TMEM33: variants seen among roughly 807,000 people sequenced by gnomAD.
TMEM33 encodes transmembrane protein 33.
Under a neutral mutation model 29.7 loss-of-function variants are expected in TMEM33, and 16 were observed. The observed-to-expected ratio is 0.54, with a 90% CI of 0.36 to 0.82. The LOEUF (loss-of-function observed/expected upper bound fraction) is 0.82, where lower values mean the gene tolerates loss of function less well. TMEM33 is among the 40% of genes least tolerant of loss of function. The pLI, the probability that TMEM33 is intolerant of heterozygous loss-of-function variation, is 0.00. For synonymous variants in TMEM33, 112 were observed against 109.4 expected, an observed-to-expected ratio of 1.02 and a Z score of -0.15; for missense variants, 252 against 295.3, an observed-to-expected ratio of 0.85 and a Z score of 1.08.
At chr4:41,949,660 C>A (rs1458950055) in intron 6 of TMEM33, among the ~76,000 whole-genome samples, 1 of 152,166 alleles carries the variant, frequency 6.6e-6, no homozygotes, top group East Asian at 1.9e-4. Flanking sequence ...AGATTCCACT[C>A]TCAACTTTCC....
intron 4 of TMEM33, among the ~76,000 whole-genome samples, chr4:41,944,584 AGTT>A (rs1191595512): frequency 6.6e-6 from 1 of 152,204 alleles, no homozygotes; most frequent in Non-Finnish European, 1.5e-5. Context: ...CTTTTACTAA[AGTT>A]GTTTTTTATA....
chr4:41,946,200 G>A lies in TMEM33; in HGVS notation c.530+1274G>A, dbSNP rs191796332. On this transcript the variant is annotated intron_variant, in intron 5 of 6. Transcript: ENST00000504986. ...TATTTTTTACCTGCTTATACTTAAT[G>A]CCAGTGTTTTCTTTAACATAGATAC... 3.4e-3 allele frequency among the ~76,000 whole-genome samples: 508 copies of A among 150,566 alleles called. 1 individual carries two copies. The highest frequency in any genetic ancestry group is 5.3e-3 in the Admixed American group (80 of 15,084).
In TMEM33 at chr4:41,960,010, A is replaced by G. The variant is rs1226547064; in HGVS notation, c.*5811A>G. The G allele has an allele frequency of 6.6e-6, 1 of 152,224 alleles. No homozygotes were observed. The highest frequency in any genetic ancestry group is 1.5e-5 in the Non-Finnish European group (1 of 68,018). 9.4% of individuals were successfully genotyped at this position (152,224 alleles called of 1,614,324 possible). ...AATACTATCCAGACTATATAAATTTATAAAATAAATTGAAAAATTCATTCC... is the reference window on the plus strand; with the variant it reads ...AATACTATCCAGACTATATAAATTTGTAAAATAAATTGAAAAATTCATTCC... On this transcript the variant is annotated 3_prime_UTR_variant, in exon 7 of 7. Transcript: ENST00000504986.
Position 41,954,349 on chromosome 4 carries a change from C to A in TMEM33, c.*150C>A. ...ATCTCGGTGGAAAAATAATCATTTTCTTGGCATGTTAAATCAAGCTTAAAA... is the reference window on the plus strand; with the variant it reads ...ATCTCGGTGGAAAAATAATCATTTTATTGGCATGTTAAATCAAGCTTAAAA... On this transcript the variant is annotated 3_prime_UTR_variant, in exon 7 of 7. Transcript: ENST00000504986. The A allele has an allele frequency of 2.2e-6, 2 of 916,976 alleles. No homozygotes were observed. Among genetic ancestry groups the A allele is most frequent in the Non-Finnish European group, 3.1e-6 (2 of 650,684 alleles). 56.8% of individuals were successfully genotyped at this position (916,976 alleles called of 1,614,324 possible). A position where few individuals can be genotyped will look rare whatever the true frequency, so the allele number is the denominator to read the frequency against.
chr4:41,946,335 G>A (rs1476077477), intron 5 of TMEM33, among the ~76,000 whole-genome samples: 5 of 151,904 alleles, frequency 3.3e-5, no homozygotes, highest in Non-Finnish European at 7.4e-5. Flanking sequence ...TTGTTAGTTT[G>A]TAACAAATGT....
intron 3 of TMEM33, among the ~76,000 whole-genome samples, chr4:41,940,350 C>T (rs1712478490): frequency 6.6e-6 from 1 of 151,860 alleles, no homozygotes; most frequent in African/African-American, 2.4e-5. Flanking sequence ...ATTTATGATA[C>T]ATCTGTATGT....
At chr4:41,935,568 G>A (rs1488262663) in intron 1 of TMEM33, 39 bp downstream of exon 1, 3 of 1,581,414 alleles carry the variant, frequency 1.9e-6, no homozygotes, top group South Asian at 1.2e-5. Context: ...TGATTTGCAA[G>A]AGTTAGGAAG....
intron 5 of TMEM33, among the ~76,000 whole-genome samples, chr4:41,946,987 C>G (rs1214100853): frequency 1.3e-5 from 2 of 152,072 alleles, no homozygotes; most frequent in African/African-American, 2.4e-5. Context: ...CCTGTAAACC[C>G]AGCACTTTGG....
chr4:41,953,690 G>A, intron 6 of TMEM33: 1 of 453,644 alleles, frequency 2.2e-6, no homozygotes, highest in East Asian at 6.9e-5. Flanking sequence ...AGAATAGGTA[G>A]GTCTGAGGAG....
intron 1 of TMEM33, among the ~76,000 whole-genome samples, chr4:41,937,490 T>A (rs1712296890): frequency 6.6e-6 from 1 of 151,954 alleles, no homozygotes; most frequent in South Asian, 2.1e-4. Context: ...CTCAAATTTT[T>A]TATATTTTTT....
chr4:41,939,298 A>C lies in TMEM33; in HGVS notation c.243A>C (p.Arg81Ser), dbSNP rs1399461292. 5.0e-6 allele frequency: 8 copies of C among 1,613,856 alleles called. No homozygotes were observed. Among genetic ancestry groups the C allele is most frequent in the Non-Finnish European group, 6.8e-6 (8 of 1,179,974 alleles). The change falls in exon 3 of 7, where the codon AGA (arginine) becomes AGC (serine). Residue 81 changes from arginine to serine, a missense_variant. By Grantham distance (110) the Arg-to-Ser change is moderately radical (BLOSUM62 -1). Coordinates refer to ENST00000504986, the MANE Select transcript of TMEM33 (RefSeq NM_018126.3). ...HQRLPHFQLS[R>S]AFLAQALLED... is the part of the protein sequence containing the mutation. ...GATTACCACACTTCCAGTTAAGCAG[A>C]GCATTCCTGGCCCAGGCTTTGTTAG...
Position 41,939,168 on chromosome 4 carries a change from T to C in TMEM33, c.141-28T>C, listed in dbSNP as rs758294978. The C allele has an allele frequency of 2.6e-6, 4 of 1,567,046 alleles. No individual in the cohort carries two copies. In the East Asian group the frequency reaches 9.1e-5, roughly 35 times the overall value. On this transcript the variant is annotated intron_variant, in intron 2 of 6. Transcript: ENST00000504986. ...AGACACTGCAGTTGTTTATGTCTCA[T>C]GATAACCTCTCCTCTGGTAATTTGC... is the stretch of plus-strand genomic sequence containing the variant.
chr4:41,951,548 A>C (rs1178356026), intron 6 of TMEM33, among the ~76,000 whole-genome samples: 1 of 152,232 alleles, frequency 6.6e-6, no homozygotes, highest in Non-Finnish European at 1.5e-5. Context: ...ATTAGTCCTC[A>C]TGTCTTCTAG....
chr4:41,945,647 T>C (rs889753231), intron 5 of TMEM33, among the ~76,000 whole-genome samples: 3 of 152,152 alleles, frequency 2.0e-5, no homozygotes, highest in African/African-American at 7.2e-5. Flanking sequence ...GTTTTGTTTG[T>C]TAATTTGTTT....
intron 1 of TMEM33, among the ~76,000 whole-genome samples, chr4:41,937,950 G>C (rs1426971032): frequency 6.6e-6 from 1 of 152,106 alleles, no homozygotes; most frequent in Admixed American, 6.6e-5. Context: ...TAAAGAGAGT[G>C]GTGTAATCAG....
chr4:41,949,223 G>A (rs1261571193), intron 5 of TMEM33, 79 bp from the exon 6 acceptor site: 1 of 920,144 alleles, frequency 1.1e-6, no homozygotes, highest in Non-Finnish European at 1.7e-6. Context: ...ATATTCTCCA[G>A]TTGAATTGCT....
chr4:41,938,357 A>G (rs185193526), intron 1 of TMEM33, among the ~76,000 whole-genome samples: 30 of 152,198 alleles, frequency 2.0e-4, no homozygotes, highest in Non-Finnish European at 2.9e-4. Flanking sequence ...GTCAGCTGAT[A>G]TTTTTCTATT....
chr4:41,945,649 A>T (rs1007188374), intron 5 of TMEM33, among the ~76,000 whole-genome samples: 1 of 152,050 alleles, frequency 6.6e-6, no homozygotes, highest in Non-Finnish European at 1.5e-5. Flanking sequence ...TTTGTTTGTT[A>T]ATTTGTTTAG....
At chr4:41,938,390 G>A (rs751026576) in intron 1 of TMEM33, among the ~76,000 whole-genome samples, 1 of 151,934 alleles carries the variant, frequency 6.6e-6, no homozygotes, top group Non-Finnish European at 1.5e-5. Context: ...AGTACTTCTT[G>A]TGCTTTCCAC....
Sources: gnomAD v4.1 joint callset for allele counts (sites outside exome capture counted in the v4.1 genomes callset) on GRCh38, gnomAD v4.1.1 for gene constraint, MANE v1.5 for transcripts, NCBI Gene and HGNC (gene_info 2026-07-23, HGNC 2026-07-21) for gene names.